Variants in RYR2 observed in about 807,000 individuals in gnomAD.
The protein encoded by RYR2 is ryanodine receptor 2.
Under a neutral mutation model 601.1 loss-of-function variants are expected in RYR2, and 227 were observed. The ratio of observed to expected loss-of-function variants is 0.38; its 90% CI spans 0.34 to 0.42. RYR2 has a LOEUF of 0.42. Ranked by LOEUF, RYR2 falls within the 10% of genes least tolerant of loss-of-function variation. RYR2 has a pLI of 1.00. For missense variants in RYR2, 4,646 were observed against 6,156.5 expected (o/e 0.75, Z 8.21); for synonymous variants, 2,223 against 2,175.1 (o/e 1.02, Z -0.61).
chr1:237,211,683 A>G (rs1248297861), intron 1 of RYR2, among the ~76,000 whole-genome samples: 1 of 152,216 alleles, frequency 6.6e-6, no homozygotes, highest in Non-Finnish European at 1.5e-5. Flanking sequence ...AGTTCTCTGA[A>G]CCATGATTGC....
chr1:237,258,206 A>C (rs1027647897), intron 1 of RYR2, among the ~76,000 whole-genome samples: 1 of 151,806 alleles, frequency 6.6e-6, no homozygotes, highest in Non-Finnish European at 1.5e-5. Context: ...AAAAAAAGAA[A>C]AGGGCTTTGC....
At chr1:237,301,418 T>C (rs1198855293) in intron 2 of RYR2, among the ~76,000 whole-genome samples, 2 of 152,208 alleles carry the variant, frequency 1.3e-5, no homozygotes, top group African/African-American at 4.8e-5. Context: ...TCATTTACTA[T>C]GGATTCATAA....
At chr1:237,241,410 G>T (rs1389727672) in intron 1 of RYR2, among the ~76,000 whole-genome samples, 2 of 152,154 alleles carry the variant, frequency 1.3e-5, no homozygotes, top group East Asian at 1.9e-4. Flanking sequence ...ATTAAATATT[G>T]TTGGTCACTA....
intron 12 of RYR2, among the ~76,000 whole-genome samples, chr1:237,436,453 C>CATTTTTTTTTTTTTTTT (rs1491092540): frequency 2.1e-4 from 12 of 55,824 alleles, no homozygotes; most frequent in Non-Finnish European, 3.4e-4. Flanking sequence ...GTGTGATTTT[C>CATTTTTTTTTTTTTTTT]CTTTTTTTTT....
intron 1 of RYR2, among the ~76,000 whole-genome samples, chr1:237,165,015 C>A (rs942117067): frequency 6.6e-6 from 1 of 151,082 alleles, no homozygotes; most frequent in South Asian, 2.1e-4. Flanking sequence ...ACTCTGTTAC[C>A]CAGGCAGGAG....
intron 1 of RYR2, among the ~76,000 whole-genome samples, chr1:237,200,287 A>G (rs1184986102): frequency 6.6e-6 from 1 of 151,130 alleles, no homozygotes; most frequent in Non-Finnish European, 1.5e-5. Context: ...TTTTTTAGGT[A>G]GAGTCTCACT....
intron 1 of RYR2, among the ~76,000 whole-genome samples, chr1:237,046,039 C>T (rs187041957): frequency 1.2e-3 from 183 of 152,230 alleles, no homozygotes; most frequent in African/African-American, 4.3e-3. Flanking sequence ...GGAATGCTTA[C>T]GGTCTTCCTC....
At chr1:237,117,756 T>TCTTCTCTTCC (rs1670298624) in intron 1 of RYR2, among the ~76,000 whole-genome samples, 1 of 139,154 alleles carries the variant, frequency 7.2e-6, no homozygotes, top group Non-Finnish European at 1.5e-5. Flanking sequence ...TCTTCTCTTC[T>TCTTCTCTTCC]CTGTTCTGAG....
In RYR2 at chr1:237,781,637, A is replaced by T; in HGVS notation, c.11953A>T (p.Met3985Leu). ...QKDMVVMLLS[M>L]LEGNVVNGTI... is the part of the protein sequence containing the mutation. ...GGATATGGTGGTCATGTTGCTGTCC[A>T]TGTTAGAAGGTAGTTTTGATTTATA... is the stretch of plus-strand genomic sequence containing the variant. Residue 3985 changes from methionine (M) to leucine (L), a missense_variant, in exon 89 of 105, where the codon ATG becomes TTG. Physicochemically the swap from Met to Leu is conservative, Grantham distance 15. This residue lies in a region of RYR2 where 90 missense variants were observed against 213.3 expected (regional missense o/e 0.42). Transcript: ENST00000366574. The T allele has an allele frequency of 6.4e-7, 1 of 1,566,756 alleles. No homozygotes were observed. Among genetic ancestry groups the T allele is most frequent in the Non-Finnish European group, 8.7e-7 (1 of 1,144,560 alleles).
At chr1:237,462,056 G>A (rs565247830) in intron 16 of RYR2, among the ~76,000 whole-genome samples, 1 of 152,254 alleles carries the variant, frequency 6.6e-6, no homozygotes, top group South Asian at 2.1e-4. Context: ...GTCTGGAAAA[G>A]TCTCAGATCT....
chr1:237,359,979 A>G (rs1040512709), intron 4 of RYR2, among the ~76,000 whole-genome samples: 1 of 152,206 alleles, frequency 6.6e-6, no homozygotes, highest in Non-Finnish European at 1.5e-5. Flanking sequence ...AGCATTGTCT[A>G]TAGACTGAGT....
At chr1:237,453,535 A>G (rs1364016371) in intron 14 of RYR2, among the ~76,000 whole-genome samples, 1 of 152,194 alleles carries the variant, frequency 6.6e-6, no homozygotes, top group Non-Finnish European at 1.5e-5. Context: ...TTGCTAATAC[A>G]GAGAGCAGGA....
intron 98 of RYR2, among the ~76,000 whole-genome samples, chr1:237,802,641 A>G (rs756072226): frequency 6.6e-6 from 1 of 152,198 alleles, no homozygotes; most frequent in African/African-American, 2.4e-5. Flanking sequence ...TTAATACACT[A>G]TCTTACAACT....
intron 13 of RYR2, among the ~76,000 whole-genome samples, chr1:237,443,009 G>A (rs1708045268): frequency 6.6e-6 from 1 of 152,108 alleles, no homozygotes; most frequent in African/African-American, 2.4e-5. Flanking sequence ...CATGTCTTTG[G>A]TTCCTGTTTT....
At chr1:237,625,054 T>A (rs6671652) in intron 39 of RYR2, among the ~76,000 whole-genome samples, 37,467 of 141,914 alleles carry the variant, frequency 0.26, 6,790 homozygotes, top group African/African-American at 0.58. Flanking sequence ...ATATATATAT[T>A]TTTTTTTTTC....
chr1:237,661,682 T>A (rs1683814260), intron 56 of RYR2, among the ~76,000 whole-genome samples: 1 of 152,104 alleles, frequency 6.6e-6, no homozygotes, highest in South Asian at 2.1e-4. Flanking sequence ...GATCCAGATT[T>A]AGAAGGCACA....
intron 90 of RYR2, among the ~76,000 whole-genome samples, chr1:237,785,551 GT>G (rs1695481956): frequency 6.6e-6 from 1 of 152,188 alleles, no homozygotes; most frequent in South Asian, 2.1e-4. Context: ...CTAGAAAAGG[GT>G]TAACTGTGAA....
At chr1:237,631,777 G>A (rs528679360) in intron 42 of RYR2, among the ~76,000 whole-genome samples, 42 of 151,522 alleles carry the variant, frequency 2.8e-4, no homozygotes, top group Admixed American at 1.1e-3. Context: ...AGAGGCGCCC[G>A]CCACCTCGCC....
At chr1:237,706,616 G>A (rs554165455) in intron 67 of RYR2, among the ~76,000 whole-genome samples, 21 of 152,078 alleles carry the variant, frequency 1.4e-4, no homozygotes, top group South Asian at 1.0e-3. Flanking sequence ...AAACTTCCTC[G>A]AAAACGGGGA....
Sources: allele counts gnomAD v4.1 joint callset (sites outside exome capture counted in the v4.1 genomes callset), GRCh38; gene constraint gnomAD v4.1.1; regional missense constraint gnomAD v4.1.1; transcripts MANE v1.5; gene names NCBI Gene and HGNC (gene_info 2026-07-23, HGNC 2026-07-21).